The following CDK14 variants were observed in gnomAD, a reference collection of about 807,000 sequenced individuals.
The protein encoded by CDK14 is cyclin-dependent kinase 14.
In CDK14, 34 loss-of-function variants were observed where a neutral mutation model predicts 60.7. The observed-to-expected ratio is 0.56, with a 90% CI of 0.43 to 0.75. CDK14 has a LOEUF of 0.75. Ranked by LOEUF, CDK14 falls within the 30% of genes least tolerant of loss-of-function variation. The pLI is 0.00. For synonymous variants in CDK14, 197 were observed against 203.7 expected, an observed-to-expected ratio of 0.97 and a Z score of 0.28; for missense variants, 482 against 564.1, an observed-to-expected ratio of 0.85 and a Z score of 1.47.
At chr7:90,913,599 G>T (rs777494097) in intron 7 of CDK14, among the ~76,000 whole-genome samples, 22 of 152,184 alleles carry the variant, frequency 1.4e-4, no homozygotes, top group Non-Finnish European at 1.6e-4. Context: ...GCTTTTAGGG[G>T]TGTGGTAAAT....
chr7:90,827,576 A>G (rs1346519734), intron 5 of CDK14, among the ~76,000 whole-genome samples: 1 of 152,214 alleles, frequency 6.6e-6, no homozygotes, highest in Non-Finnish European at 1.5e-5. Context: ...TAGAACACGG[A>G]GGGTTTAAAA....
intron 11 of CDK14, among the ~76,000 whole-genome samples, chr7:91,067,741 A>G (rs1798021341): frequency 6.6e-6 from 1 of 152,254 alleles, no homozygotes; most frequent in Admixed American, 6.5e-5. Context: ...TCTTTTGTGC[A>G]CAGCTAAAAT....
At chr7:90,962,332 C>T (rs189986949) in intron 9 of CDK14, among the ~76,000 whole-genome samples, 2 of 151,898 alleles carry the variant, frequency 1.3e-5, no homozygotes, top group African/African-American at 2.4e-5. Flanking sequence ...ACTAAAAATA[C>T]AAAATTAGCT....
chr7:90,950,515 A>G (rs1794224929), intron 8 of CDK14, among the ~76,000 whole-genome samples: 1 of 152,234 alleles, frequency 6.6e-6, no homozygotes, highest in Non-Finnish European at 1.5e-5. Context: ...AAGAGGGAAA[A>G]TTATAAAGTA....
chr7:91,012,518 T>A (rs1280318578), intron 10 of CDK14, among the ~76,000 whole-genome samples: 2 of 152,206 alleles, frequency 1.3e-5, no homozygotes, highest in Admixed American at 6.5e-5. Context: ...AGGGAGTTTT[T>A]CAGACTTCCT....
chr7:91,081,578 G>A (rs1411102795), intron 12 of CDK14, among the ~76,000 whole-genome samples: 1 of 152,164 alleles, frequency 6.6e-6, no homozygotes, highest in East Asian at 1.9e-4. Context: ...CCTAGGTATT[G>A]AAGCTAGTGG....
At chr7:90,784,085 A>T (rs1805462527) in intron 4 of CDK14, among the ~76,000 whole-genome samples, 1 of 152,218 alleles carries the variant, frequency 6.6e-6, no homozygotes, top group Non-Finnish European at 1.5e-5. Context: ...ACAATAGAAT[A>T]TTATTCAGCC....
At chr7:90,816,639 G>T (rs1298599571) in intron 5 of CDK14, among the ~76,000 whole-genome samples, 1 of 152,132 alleles carries the variant, frequency 6.6e-6, no homozygotes, top group Non-Finnish European at 1.5e-5. Flanking sequence ...CCAGTTCAGG[G>T]ATATTAGTAA....
intron 3 of CDK14, among the ~76,000 whole-genome samples, chr7:90,744,607 C>T (rs1454451215): frequency 6.6e-6 from 1 of 151,766 alleles, no homozygotes; most frequent in Non-Finnish European, 1.5e-5. Context: ...GCGCCCCTCA[C>T]CTCCCGGATG....
intron 2 of CDK14, among the ~76,000 whole-genome samples, chr7:90,621,491 T>C (rs1799763618): frequency 6.6e-6 from 1 of 152,220 alleles, no homozygotes; most frequent in South Asian, 2.1e-4. Context: ...TCTCTCTGAA[T>C]CTCATTCTTT....
intron 4 of CDK14, among the ~76,000 whole-genome samples, chr7:90,761,219 T>C (rs1804298946): frequency 6.6e-6 from 1 of 152,242 alleles, no homozygotes; most frequent in South Asian, 2.1e-4. Context: ...TATCAGGTTC[T>C]TTGATCATTT....
intron 2 of CDK14, among the ~76,000 whole-genome samples, chr7:90,667,207 A>G (rs1800999455): frequency 6.6e-6 from 1 of 152,176 alleles, no homozygotes; most frequent in Non-Finnish European, 1.5e-5. Flanking sequence ...ATTGCCTGGT[A>G]TGACCTCAAT....
At chr7:90,731,693 A>G (rs971984151) in intron 3 of CDK14, among the ~76,000 whole-genome samples, 1 of 152,178 alleles carries the variant, frequency 6.6e-6, no homozygotes, top group African/African-American at 2.4e-5. Context: ...TTGATTTTTT[A>G]TCCTGAGACT....
intron 10 of CDK14, among the ~76,000 whole-genome samples, chr7:91,033,355 A>G (rs1354041987): frequency 1.3e-5 from 2 of 152,198 alleles, no homozygotes; most frequent in Non-Finnish European, 2.9e-5. Flanking sequence ...TACAAATGCT[A>G]TTTTAAAGAA....
chr7:90,676,970 G>A (rs1801213818), intron 2 of CDK14, among the ~76,000 whole-genome samples: 2 of 151,670 alleles, frequency 1.3e-5, no homozygotes, highest in Non-Finnish European at 2.9e-5. Flanking sequence ...TGTGTTTGGA[G>A]TTTCTGATAG....
intron 2 of CDK14, among the ~76,000 whole-genome samples, chr7:90,718,641 A>C (rs1384356142): frequency 2.6e-5 from 4 of 152,176 alleles, no homozygotes; most frequent in Admixed American, 2.0e-4. Context: ...GTAAGTAAAA[A>C]ACACATTCTT....
At chr7:91,096,568 A>G (rs776943073) in intron 12 of CDK14, among the ~76,000 whole-genome samples, 2 of 152,194 alleles carry the variant, frequency 1.3e-5, no homozygotes, top group Non-Finnish European at 2.9e-5. Flanking sequence ...TTGTTTAAAA[A>G]AAAAAGAAAA....
chr7:91,188,940 G>A (rs6465304), intron 14 of CDK14, among the ~76,000 whole-genome samples: 97,541 of 150,642 alleles, frequency 0.65, 31,805 homozygotes, highest in Admixed American at 0.73. Context: ...GCGTGTTGTT[G>A]TTTTATTTTA....
chr7:91,207,117 A>G (rs1802925950), intron 14 of CDK14, 48 bp from the exon 15 acceptor site: 1 of 152,152 alleles, frequency 6.6e-6, no homozygotes, highest in African/African-American at 2.4e-5. Context: ...AGAAGAAATG[A>G]ATGGTGTAGA....
Sources: gnomAD v4.1 joint callset for allele counts (sites outside exome capture counted in the v4.1 genomes callset) on GRCh38, gnomAD v4.1.1 for gene constraint, MANE v1.5 for transcripts, NCBI Gene and HGNC (gene_info 2026-07-23, HGNC 2026-07-21) for gene names.